Variants in SGCZ observed in about 807,000 individuals in gnomAD.
SGCZ encodes the protein zeta-sarcoglycan.
A neutral mutation model predicts 41.3 loss-of-function variants in SGCZ; 40 were observed. The observed-to-expected ratio is 0.97, with a 90% CI of 0.75 to 1.26. SGCZ has a LOEUF of 1.26. SGCZ is among the 50% of genes most tolerant of loss of function. SGCZ has a pLI of 0.00. For synonymous variants in SGCZ, 206 were observed against 137.5 expected (o/e 1.50, Z -3.49); for missense variants, 552 against 369.8 (o/e 1.49, Z -4.04).
chr8:15,193,943 T>C (rs1229426312), intron 1 of SGCZ, among the ~76,000 whole-genome samples: 2 of 152,134 alleles, frequency 1.3e-5, no homozygotes, highest in Admixed American at 6.6e-5. Flanking sequence ...TATCTTAATA[T>C]TCTAGCAGCT....
At chr8:15,090,326 GT>G (rs1806111471) in intron 1 of SGCZ, among the ~76,000 whole-genome samples, 1 of 152,130 alleles carries the variant, frequency 6.6e-6, no homozygotes, top group Admixed American at 6.6e-5. Context: ...AACACTTGAG[GT>G]TTGACTTAAA....
chr8:15,081,493 CTT>C (rs10659307), intron 1 of SGCZ, among the ~76,000 whole-genome samples: 63 of 139,544 alleles, frequency 4.5e-4, no homozygotes, highest in Admixed American at 6.5e-4. Context: ...GATCCAATGG[CTT>C]TTTTTTTTTT....
At chr8:14,897,835 G>A (rs1805258452) in intron 1 of SGCZ, among the ~76,000 whole-genome samples, 1 of 152,026 alleles carries the variant, frequency 6.6e-6, no homozygotes, top group Admixed American at 6.6e-5. Context: ...CTGTCATTCT[G>A]TGCATAGTTT....
intron 1 of SGCZ, among the ~76,000 whole-genome samples, chr8:14,962,959 G>T (rs1373129665): frequency 6.6e-6 from 1 of 152,100 alleles, no homozygotes; most frequent in African/African-American, 2.4e-5. Context: ...GTAAAAAGTA[G>T]GTCTCCTCAG....
rs550399143 is a variant in SGCZ at position 14,621,651 on chromosome 8, A to G, written c.40-66725T>C. 7.9e-5 allele frequency among the ~76,000 whole-genome samples: 12 copies of G among 152,220 alleles called. No individual in the cohort carries two copies. The South Asian group carries it at 2.5e-3, about 32-fold the overall frequency. On this transcript the variant is annotated intron_variant, in intron 1 of 7. Coordinates refer to ENST00000382080, the MANE Select transcript of SGCZ (RefSeq NM_139167.4). ...CTTATACATCTTCACAATGGAGAGC[A>G]AGAGACTGAGAGAGAGTGAAGTGGG... is the stretch of plus-strand genomic sequence containing the variant.
intron 5 of SGCZ, among the ~76,000 whole-genome samples, chr8:14,135,351 G>T (rs1803163511): frequency 6.6e-6 from 1 of 152,090 alleles, no homozygotes; most frequent in South Asian, 2.1e-4. Flanking sequence ...GGGCTGATGT[G>T]ATAGGAAGAA....
At chr8:14,863,596 T>C (rs1258707016) in intron 1 of SGCZ, among the ~76,000 whole-genome samples, 2 of 152,188 alleles carry the variant, frequency 1.3e-5, no homozygotes, top group African/African-American at 4.8e-5. Context: ...ACACTTTCAC[T>C]GCTTTAAGGA....
intron 1 of SGCZ, among the ~76,000 whole-genome samples, chr8:14,622,225 A>G (rs1223557118): frequency 6.6e-6 from 1 of 152,182 alleles, no homozygotes; most frequent in Non-Finnish European, 1.5e-5. Flanking sequence ...CTGACAGCCA[A>G]ATAAACAGAA....
chr8:14,177,771 G>A lies in SGCZ; in HGVS notation c.425-13069C>T, dbSNP rs1343127303. 3.4e-5 allele frequency among the ~76,000 whole-genome samples: 5 copies of A among 145,552 alleles called. No individual in the cohort carries two copies. The South Asian group carries it at 6.4e-4, about 19-fold the overall frequency. ...GATCTCCTGACCTCGTGATCCATTC[G>A]CCTCAGCCTCCCAAAGTGCTGGGAT... On this transcript the variant is annotated intron_variant, in intron 4 of 7. Transcript: ENST00000382080.
chr8:14,112,679 T>A (rs1451171965), intron 5 of SGCZ, among the ~76,000 whole-genome samples: 2 of 152,144 alleles, frequency 1.3e-5, no homozygotes, highest in African/African-American at 4.8e-5. Flanking sequence ...TGTTTTTAAA[T>A]CTTGGCCAAG....
At chr8:14,383,008 C>T (rs780997027) in intron 2 of SGCZ, among the ~76,000 whole-genome samples, 1 of 152,146 alleles carries the variant, frequency 6.6e-6, no homozygotes, top group African/African-American at 2.4e-5. Context: ...AAGCATGCCA[C>T]CACTTCACAC....
At chr8:14,801,021 C>G (rs916722778) in intron 1 of SGCZ, among the ~76,000 whole-genome samples, 1 of 152,168 alleles carries the variant, frequency 6.6e-6, no homozygotes, top group Non-Finnish European at 1.5e-5. Flanking sequence ...AACTTTATAA[C>G]TATAATTTCA....
At chr8:14,820,745 G>T (rs1395212528) in intron 1 of SGCZ, among the ~76,000 whole-genome samples, 1 of 151,724 alleles carries the variant, frequency 6.6e-6, no homozygotes, top group East Asian at 1.9e-4. Context: ...AAACCAATGG[G>T]TTAATGAAGA....
At chr8:14,274,676 A>C (rs2117271839) in intron 3 of SGCZ, among the ~76,000 whole-genome samples, 1 of 152,296 alleles carries the variant, frequency 6.6e-6, no homozygotes, top group South Asian at 2.1e-4. Context: ...ATTTATTTAG[A>C]CAACCTCAAA....
chr8:15,150,119 C>T (rs1799138123), intron 1 of SGCZ, among the ~76,000 whole-genome samples: 1 of 152,132 alleles, frequency 6.6e-6, no homozygotes, highest in South Asian at 2.1e-4. Flanking sequence ...GATTTTTGAG[C>T]GATTTTCATT....
chr8:14,824,187 G>A (rs1337860431), intron 1 of SGCZ, among the ~76,000 whole-genome samples: 1 of 152,012 alleles, frequency 6.6e-6, no homozygotes, highest in Non-Finnish European at 1.5e-5. Context: ...CCACTGCACA[G>A]TAGGGTGACT....
intron 2 of SGCZ, among the ~76,000 whole-genome samples, chr8:14,462,438 G>T (rs553032137): frequency 6.6e-6 from 1 of 151,800 alleles, no homozygotes; most frequent in African/African-American, 2.4e-5. Flanking sequence ...TATCATTATC[G>T]TTTGTCTCTA....
At chr8:15,091,136 A>AT (rs1806142006) in intron 1 of SGCZ, among the ~76,000 whole-genome samples, 1 of 152,252 alleles carries the variant, frequency 6.6e-6, no homozygotes, top group South Asian at 2.1e-4. Flanking sequence ...TTTTCTTTAT[A>AT]TTTTTTTGGC....
intron 1 of SGCZ, among the ~76,000 whole-genome samples, chr8:14,778,643 T>C (rs534296670): frequency 6.6e-6 from 1 of 152,182 alleles, no homozygotes; most frequent in South Asian, 2.1e-4. Context: ...GAAATGACAA[T>C]CTAATAGAAA....
Sources: allele counts gnomAD v4.1 joint callset (sites outside exome capture counted in the v4.1 genomes callset), GRCh38; gene constraint gnomAD v4.1.1; transcripts MANE v1.5; gene names NCBI Gene and HGNC (gene_info 2026-07-23, HGNC 2026-07-21).